The following PAX2 variants were observed in gnomAD, a reference collection of about 807,000 sequenced individuals.
PAX2 encodes the protein paired box 2, also known as paired box protein Pax-2.
A neutral mutation model predicts 41.7 loss-of-function variants in PAX2; 9 were observed. That is an observed-to-expected ratio of 0.22 (90% CI 0.13 to 0.38). The LOEUF is 0.38. Among genes scored for constraint, PAX2 ranks in the 10% least tolerant of loss-of-function variants. The pLI is 1.00. For synonymous variants in PAX2, 221 were observed against 212.7 expected (o/e 1.04, Z -0.34); for missense variants, 418 against 531.6 (o/e 0.79, Z 2.10).
intron 3 of PAX2, among the ~76,000 whole-genome samples, chr10:100,760,837 G>A (rs1313817087): frequency 2.6e-5 from 4 of 152,180 alleles, no homozygotes; most frequent in Non-Finnish European, 5.9e-5. Context: ...GATAAGATAA[G>A]GAAGGCCATC....
intron 5 of PAX2, among the ~76,000 whole-genome samples, chr10:100,785,680 G>A (rs11190705): frequency 0.15 from 22,846 of 152,176 alleles, 2,203 homozygotes; most frequent in Middle Eastern, 0.3. Flanking sequence ...GGATTAAGCC[G>A]TGGAAATGAG....
At position 100,828,087 on chromosome 10, in the gene PAX2, C is replaced by A; in HGVS notation, c.*468C>A. On this transcript the variant is annotated 3_prime_UTR_variant, in exon 10 of 10. Transcript: ENST00000355243. The surrounding 1 kb of genome is among the most constrained non-coding windows in gnomAD (Gnocchi z 6.5). ...CGGACGCTCGGGCGCCAGGAGGCTTCGCTGGAGGGGCTGGGCCAAGGAGAT... is the reference window on the plus strand; with the variant it reads ...CGGACGCTCGGGCGCCAGGAGGCTTAGCTGGAGGGGCTGGGCCAAGGAGAT... 1 of 235,478 alleles carries A rather than the reference C, an allele frequency of 4.2e-6. No homozygotes were observed. The highest frequency in any genetic ancestry group is 8.3e-6 in the Non-Finnish European group (1 of 120,924). 14.6% of individuals were successfully genotyped at this position (235,478 alleles called of 1,614,324 possible).
chr10:100,755,000 T>C (rs946608948), intron 3 of PAX2, among the ~76,000 whole-genome samples: 4 of 152,222 alleles, frequency 2.6e-5, no homozygotes, highest in African/African-American at 9.7e-5. Context: ...TTCTGTGGCC[T>C]GAGCCTAGCA....
intron 7 of PAX2, among the ~76,000 whole-genome samples, chr10:100,815,959 G>T (rs11594123): frequency 6.6e-6 from 1 of 152,214 alleles, no homozygotes; most frequent in Non-Finnish European, 1.5e-5. Context: ...AGGGTTTGGG[G>T]TGTCTTAGCA....
intron 7 of PAX2, among the ~76,000 whole-genome samples, chr10:100,823,339 T>C (rs1589904146): frequency 6.6e-6 from 1 of 152,304 alleles, no homozygotes; most frequent in East Asian, 1.9e-4. Context: ...GCTGTAGCTC[T>C]GTATAGCTAG....
intron 3 of PAX2, among the ~76,000 whole-genome samples, chr10:100,761,646 G>A (rs1304400935): frequency 6.6e-6 from 1 of 152,226 alleles, no homozygotes; most frequent in Non-Finnish European, 1.5e-5. Context: ...GCCCAAGCGA[G>A]TACTCTGGGC....
chr10:100,746,314 G>C lies in PAX2; in HGVS notation c.43+11G>C. ...TCTCCGCGATGCACCGTGAGTACCG[G>C]CGCCCGGCTCCTGTCCCGGCTCGGG... On this transcript the variant is annotated intron_variant, in intron 1 of 9. Transcript: ENST00000355243. 6.4e-7 allele frequency: 1 copy of C among 1,555,806 alleles called. No individual in the cohort carries two copies.
At chr10:100,767,330 G>A (rs557571057) in intron 3 of PAX2, among the ~76,000 whole-genome samples, 7 of 152,336 alleles carry the variant, frequency 4.6e-5, no homozygotes, top group African/African-American at 1.2e-4. Flanking sequence ...GCAGGTGGAC[G>A]TGTCCAGACC....
At chr10:100,821,996 G>T (rs1848392683) in intron 7 of PAX2, among the ~76,000 whole-genome samples, 2 of 152,148 alleles carry the variant, frequency 1.3e-5, no homozygotes, top group African/African-American at 4.8e-5. Context: ...AATTGATTTT[G>T]ATATTGCTGT....
Position 100,827,838 on chromosome 10 carries a change from G to C in PAX2, c.*219G>C. 1.5e-6 allele frequency: 1 copy of C among 653,602 alleles called. No homozygotes were observed. Among genetic ancestry groups the C allele is most frequent in the Non-Finnish European group, 2.6e-6 (1 of 390,730 alleles). The allele number at this position is 653,602 out of a possible 1,614,324, so 40.5% of individuals were successfully genotyped here. A position where few individuals can be genotyped will look rare whatever the true frequency, so the allele number is the denominator to read the frequency against. On this transcript the variant is annotated 3_prime_UTR_variant, in exon 10 of 10. Coordinates refer to ENST00000355243, the MANE Select transcript of PAX2 (RefSeq NM_000278.5). This position sits in a 1 kb window ranked among gnomAD's most constrained non-coding sequence, Gnocchi z 8.5. Reference sequence around the variant, plus strand: ...GCCGTGGGCGGGACCCTCAGGCCCGGGCCCGCCGCCCCCAGCCCCGCCTGC... The same window carrying C: ...GCCGTGGGCGGGACCCTCAGGCCCGCGCCCGCCGCCCCCAGCCCCGCCTGC...
intron 7 of PAX2, among the ~76,000 whole-genome samples, chr10:100,809,879 C>T (rs1407636037): frequency 6.6e-6 from 1 of 152,216 alleles, no homozygotes; most frequent in Non-Finnish European, 1.5e-5. Flanking sequence ...GGAGCCCCTA[C>T]AAATGAAGAG....
At position 100,745,714 on chromosome 10, in the gene PAX2, G is replaced by C; in HGVS notation, c.-547G>C. On this transcript the variant is annotated 5_prime_UTR_variant, in exon 1 of 10. Transcript: ENST00000355243. ...GTGCGCCTGCCTTTTCCGGGGGCGG[G>C]GGCCTGGCCCGCGCGCTCCCCTCCC... 9.8e-7 allele frequency: 1 copy of C among 1,024,228 alleles called. No homozygotes were observed. The highest frequency in any genetic ancestry group is 1.2e-6 in the Non-Finnish European group (1 of 852,056). The allele number at this position is 1,024,228 out of a possible 1,614,324, so 63.4% of individuals were successfully genotyped here.
Position 100,748,039 on chromosome 10 carries a change from C to T in PAX2, c.44-1707C>T. On this transcript the variant is annotated intron_variant, in intron 1 of 9. Coordinates refer to ENST00000355243, the MANE Select transcript of PAX2 (RefSeq NM_000278.5). This position sits in a 1 kb window ranked among gnomAD's most constrained non-coding sequence, Gnocchi z 5.0. ...GGACTGGTGGGTGAGACACCGCAGC[C>T]CGAGTCGGTGCTGGCGGCCGTGGCG... 2 of 984,920 alleles carry T rather than the reference C, an allele frequency of 2.0e-6. No homozygotes were observed. The highest frequency in any genetic ancestry group is 2.4e-6 in the Non-Finnish European group (2 of 829,894). 61.0% of individuals were successfully genotyped at this position (984,920 alleles called of 1,614,324 possible). A position where few individuals can be genotyped will look rare whatever the true frequency, so the allele number is the denominator to read the frequency against.
At chr10:100,755,032 A>C (rs1208412852) in intron 3 of PAX2, among the ~76,000 whole-genome samples, 1 of 152,188 alleles carries the variant, frequency 6.6e-6, no homozygotes, top group African/African-American at 2.4e-5. Context: ...CAAATAGCAG[A>C]CCAACATGCC....
intron 5 of PAX2, 63 bp downstream of exon 5, chr10:100,781,428 C>G (rs532544105): frequency 1.3e-6 from 2 of 1,585,454 alleles, no homozygotes; most frequent in Admixed American, 3.3e-5. Flanking sequence ...CTCCAAGCTC[C>G]GGTTTCGGCC....
intron 5 of PAX2, among the ~76,000 whole-genome samples, chr10:100,795,475 G>A (rs4919492): frequency 0.91 from 138,517 of 152,290 alleles, 63,037 homozygotes; most frequent in East Asian, 1. Flanking sequence ...TATGAGGGAG[G>A]TATTTGATCT....
chr10:100,792,036 A>T (rs1589861177), intron 5 of PAX2, among the ~76,000 whole-genome samples: 1 of 152,206 alleles, frequency 6.6e-6, no homozygotes, highest in East Asian at 1.9e-4. Flanking sequence ...GATGCTGGGG[A>T]TCCATTTTTC....
intron 5 of PAX2, among the ~76,000 whole-genome samples, chr10:100,800,273 C>CTTTTTTTTTTTT (rs59487758): frequency 9.2e-6 from 1 of 108,386 alleles, no homozygotes; most frequent in Non-Finnish European, 1.7e-5. Flanking sequence ...TCTTTTCTTT[C>CTTTTTTTTTTTT]TTTTTTTTTT....
At chr10:100,780,115 C>G (rs1314931410) in intron 4 of PAX2, among the ~76,000 whole-genome samples, 6 of 152,072 alleles carry the variant, frequency 3.9e-5, no homozygotes, top group African/African-American at 1.4e-4. Context: ...AGCTCTGGCT[C>G]TGTTCTGTCT....
Sources: gnomAD v4.1 joint callset for allele counts (sites outside exome capture counted in the v4.1 genomes callset) on GRCh38, gnomAD v4.1.1 for gene constraint, Gnocchi (gnomAD v3.1) non-coding constraint, MANE v1.5 for transcripts, NCBI Gene and HGNC (gene_info 2026-07-23, HGNC 2026-07-21) for gene names.